ITPRID1: variants seen among roughly 807,000 people sequenced by gnomAD.
The protein encoded by ITPRID1 is ITPR interacting domain containing 1.
A neutral mutation model predicts 95.4 loss-of-function variants in ITPRID1; 96 were observed. That is an observed-to-expected ratio of 1.01 (90% CI 0.85 to 1.19). ITPRID1 has a LOEUF of 1.19. ITPRID1 is among the 50% of genes most tolerant of loss of function. The probability of loss-of-function intolerance (pLI) is 0.00; values close to 1 mark genes in which losing one functional copy is unlikely to be tolerated. For synonymous variants in ITPRID1, 510 were observed against 453.6 expected, an observed-to-expected ratio of 1.12 and a Z score of -1.58; for missense variants, 1,339 against 1,252.9, an observed-to-expected ratio of 1.07 and a Z score of -1.04.
At position 31,608,999 on chromosome 7, in the gene ITPRID1, C is replaced by T. The variant is rs535358845; in HGVS notation, c.1228+25808C>T. ...TTTTATAGGTAGAGGATATTCAGTT[C>T]TCTTCCTAGTTTGTTGGGTGTTCAT... On this transcript the variant is annotated intron_variant, in intron 10 of 14. Coordinates refer to ENST00000615280, the MANE Select transcript of ITPRID1 (RefSeq NM_001257967.3). Among the ~76,000 whole-genome samples the T allele has an allele frequency of 1.0e-3, 151 of 151,706 alleles. 1 individual carries two copies. The highest frequency in any genetic ancestry group is 3.5e-3 in the African/African-American group (144 of 41,492).
At chr7:31,585,099 C>T (rs999438946) in intron 10 of ITPRID1, among the ~76,000 whole-genome samples, 2 of 152,188 alleles carry the variant, frequency 1.3e-5, no homozygotes, top group African/African-American at 2.4e-5. Context: ...CTGGCCCAAA[C>T]GTTCAGATGA....
intron 10 of ITPRID1, among the ~76,000 whole-genome samples, chr7:31,635,374 G>A (rs1456123703): frequency 3.9e-5 from 6 of 152,298 alleles, no homozygotes; most frequent in East Asian, 1.9e-4. Flanking sequence ...CGATTGACAT[G>A]CAGGCATTTC....
At chr7:31,604,938 C>A (rs1397500620) in intron 10 of ITPRID1, among the ~76,000 whole-genome samples, 1 of 152,158 alleles carries the variant, frequency 6.6e-6, no homozygotes, top group East Asian at 1.9e-4. Flanking sequence ...GAGTTCAAGA[C>A]CAGCCTAGCC....
At position 31,622,232 on chromosome 7, in the gene ITPRID1, C is replaced by A. The variant is rs1054945614; in HGVS notation, c.1229-19944C>A. On this transcript the variant is annotated intron_variant, in intron 10 of 14. Transcript: ENST00000615280. The stretch of plus-strand genomic sequence containing the variant: ...GTCAACAAGGATACCCAGGAATTGA[C>A]CTCAGCTCTGCACCAAGCGGACCTA... Among the ~76,000 whole-genome samples, 275 of 146,874 alleles carry A rather than the reference C, an allele frequency of 1.9e-3. 1 individual carries two copies. Among genetic ancestry groups the A allele is most frequent in the African/African-American group, 6.4e-3 (254 of 39,752 alleles).
chr7:31,626,937 G>A lies in ITPRID1; in HGVS notation c.1229-15239G>A, dbSNP rs143062819. On this transcript the variant is annotated intron_variant, in intron 10 of 14. Transcript: ENST00000615280. ...TATAGCAAGCTTTCTTCTAGAAAGT[G>A]GATGGTCACCCAGCTTGAAGATTAT... Among the ~76,000 whole-genome samples the A allele has an allele frequency of 1.9e-3, 286 of 152,314 alleles. 1 individual carries two copies. The highest frequency in any genetic ancestry group is 6.6e-3 in the African/African-American group (274 of 41,568).
intron 1 of ITPRID1, among the ~76,000 whole-genome samples, chr7:31,519,884 A>G (rs1783187245): frequency 2.0e-5 from 3 of 151,866 alleles, no homozygotes; most frequent in African/African-American, 7.2e-5. Context: ...ATGTGTTTAT[A>G]ATCAATGAAC....
At chr7:31,631,753 T>C (rs764881117) in intron 10 of ITPRID1, among the ~76,000 whole-genome samples, 4 of 152,210 alleles carry the variant, frequency 2.6e-5, no homozygotes, top group Non-Finnish European at 4.4e-5. Flanking sequence ...AGAGTGCTAA[T>C]GGAAGTAATT....
chr7:31,624,168 G>A (rs1410270884), intron 10 of ITPRID1, among the ~76,000 whole-genome samples: 9 of 150,044 alleles, frequency 6.0e-5, no homozygotes, highest in East Asian at 2.0e-4. Flanking sequence ...GGTAGGAAGA[G>A]TCAATATCGT....
intron 10 of ITPRID1, among the ~76,000 whole-genome samples, chr7:31,625,635 G>A (rs967478894): frequency 1.3e-5 from 2 of 152,180 alleles, no homozygotes; most frequent in South Asian, 4.1e-4. Flanking sequence ...GGTGGGAGGA[G>A]GGGGGAGGGA....
chr7:31,520,562 T>TGA (rs1783217000), intron 1 of ITPRID1, among the ~76,000 whole-genome samples: 3 of 50,242 alleles, frequency 6.0e-5, no homozygotes, highest in African/African-American at 3.7e-4. Flanking sequence ...TGTGTGTGTG[T>TGA]GTGAGAGAGA....
chr7:31,553,299 T>A, intron 3 of ITPRID1, 112 bp downstream of exon 3: 2 of 965,510 alleles, frequency 2.1e-6, no homozygotes, highest in Non-Finnish European at 3.0e-6. Flanking sequence ...TGGCTTTGAA[T>A]ATACCAGTGT....
At chr7:31,632,339 T>G (rs2128195401) in intron 10 of ITPRID1, among the ~76,000 whole-genome samples, 1 of 152,192 alleles carries the variant, frequency 6.6e-6, no homozygotes. Flanking sequence ...TCCCAGCTAC[T>G]TGAGAGGCTG....
rs758638113 is a variant in ITPRID1, at chr7:31,577,845, G to A, written c.599-18G>A. 3 of 1,538,330 alleles carry A rather than the reference G, an allele frequency of 2.0e-6. No homozygotes were observed. Among genetic ancestry groups the A allele is most frequent in the Non-Finnish European group, 8.7e-7 (1 of 1,144,438 alleles). On this transcript the variant is annotated intron_variant, in intron 8 of 14. Transcript: ENST00000615280. ...AAAAGACCCAATCTGAAACTTTCGT[G>A]TTTCTTGTGTTGTGCAGGTCGTTTC... is the stretch of plus-strand genomic sequence containing the variant.
intron 5 of ITPRID1, among the ~76,000 whole-genome samples, chr7:31,556,526 C>A (rs1306038074): frequency 6.6e-6 from 1 of 151,978 alleles, no homozygotes; most frequent in Non-Finnish European, 1.5e-5. Flanking sequence ...TTAATATCAG[C>A]CCCACTGCAT....
rs1450223053 is a variant in ITPRID1, at chr7:31,575,884, T to TG, written c.598+1142_598+1143insG. Among the ~76,000 whole-genome samples, 11 of 22,310 alleles carry TG rather than the reference T, an allele frequency of 4.9e-4. No homozygotes were observed. The Admixed American group carries it at 7.7e-3, about 16-fold the overall frequency. The allele number at this position is 22,310 out of a possible 152,430, so 14.6% of individuals were successfully genotyped here. A position where few individuals can be genotyped will look rare whatever the true frequency, so the allele number is the denominator to read the frequency against. ...ATGGGTCTCAAAACTTCAGGAATGA[T>TG]ATTTTTTTTTTAAAAAGAGTATGTA... is the stretch of plus-strand genomic sequence containing the variant. On this transcript the variant is annotated intron_variant, in intron 8 of 14. Coordinates refer to ENST00000615280, the MANE Select transcript of ITPRID1 (RefSeq NM_001257967.3).
chr7:31,639,303 T>A (rs1471697561), intron 10 of ITPRID1, among the ~76,000 whole-genome samples: 1 of 152,140 alleles, frequency 6.6e-6, no homozygotes, highest in Non-Finnish European at 1.5e-5. Flanking sequence ...ATCTCTATGT[T>A]TCATTTGGGA....
At chr7:31,521,770 T>C (rs930022659) in intron 1 of ITPRID1, among the ~76,000 whole-genome samples, 1 of 141,208 alleles carries the variant, frequency 7.1e-6, no homozygotes, top group African/African-American at 2.6e-5. Flanking sequence ...ACCCAAGCTA[T>C]AGTACAGTGG....
chr7:31,615,512 T>G lies in ITPRID1; in HGVS notation c.1229-26664T>G, dbSNP rs1316158238. Among the ~76,000 whole-genome samples, 4 of 152,184 alleles carry G rather than the reference T, an allele frequency of 2.6e-5. No individual in the cohort carries two copies. In the East Asian group the frequency reaches 7.7e-4, roughly 29 times the overall value. ...GTCATTTTTAAATTCTCTTATGCTA[T>G]TTCTGTGGACAAAGATGTGAAGATG... On this transcript the variant is annotated intron_variant, in intron 10 of 14. Transcript: ENST00000615280.
chr7:31,611,538 TTTTG>T (rs1382615437), intron 10 of ITPRID1, among the ~76,000 whole-genome samples: 1 of 151,892 alleles, frequency 6.6e-6, no homozygotes, highest in East Asian at 1.9e-4. Context: ...TGAATTCTGT[TTTTG>T]TTTATCTGAG....
Sources: allele counts gnomAD v4.1 joint callset (sites outside exome capture counted in the v4.1 genomes callset), GRCh38; gene constraint gnomAD v4.1.1; transcripts MANE v1.5; gene names NCBI Gene and HGNC (gene_info 2026-07-23, HGNC 2026-07-21).